NETO1: variants seen among roughly 807,000 people sequenced by gnomAD.
NETO1 encodes neuropilin and tolloid like 1, also known as neuropilin and tolloid-like protein 1.
NETO1 carries 26 observed loss-of-function variants against 61.3 expected under a neutral mutation model. The observed-to-expected ratio is 0.42, with a 90% confidence interval of 0.31 to 0.59. The LOEUF (loss-of-function observed/expected upper bound fraction) is 0.59, where lower values mean the gene tolerates loss of function less well. Ranked by LOEUF, NETO1 falls within the 20% of genes least tolerant of loss-of-function variation. NETO1 has a pLI of 0.12. For missense variants in NETO1, 531 were observed against 662.8 expected (o/e 0.80, Z 2.18); for synonymous variants, 225 against 225.8 (o/e 1.00, Z 0.03).
At chr18:72,839,914 G>A (rs2073873598) in intron 4 of NETO1, among the ~76,000 whole-genome samples, 1 of 152,176 alleles carries the variant, frequency 6.6e-6, no homozygotes, top group South Asian at 2.1e-4. Flanking sequence ...TGCTTCCAGT[G>A]CCTAATATAC....
At chr18:72,779,093 A>C (rs1283630500) in intron 7 of NETO1, among the ~76,000 whole-genome samples, 2 of 152,214 alleles carry the variant, frequency 1.3e-5, no homozygotes, top group East Asian at 3.8e-4. Flanking sequence ...TGTAGGCACC[A>C]GGAAAAATAT....
intron 4 of NETO1, among the ~76,000 whole-genome samples, chr18:72,858,600 A>C (rs2074474502): frequency 6.6e-6 from 1 of 152,180 alleles, no homozygotes; most frequent in South Asian, 2.1e-4. Context: ...ATGCCCATTT[A>C]GAGCCTTGAG....
At chr18:72,829,644 C>T (rs1297708529) in intron 4 of NETO1, among the ~76,000 whole-genome samples, 1 of 152,102 alleles carries the variant, frequency 6.6e-6, no homozygotes, top group African/African-American at 2.4e-5. Flanking sequence ...TTTTAGAATA[C>T]AAGCTAATTA....
chr18:72,786,383 C>G (rs1465242253), intron 6 of NETO1, among the ~76,000 whole-genome samples: 3 of 152,120 alleles, frequency 2.0e-5, no homozygotes, highest in Non-Finnish European at 2.9e-5. Context: ...AGAACAAAAT[C>G]AGAGAAATGT....
At chr18:72,844,300 T>C (rs1403172594) in intron 4 of NETO1, among the ~76,000 whole-genome samples, 1 of 152,240 alleles carries the variant, frequency 6.6e-6, no homozygotes. Flanking sequence ...CACTTTCTTA[T>C]TGCATCATTT....
chr18:72,861,969 T>A (rs995308218), intron 3 of NETO1, among the ~76,000 whole-genome samples: 3 of 152,200 alleles, frequency 2.0e-5, no homozygotes, highest in Non-Finnish European at 4.4e-5. Context: ...CTTTGACTAC[T>A]CCCTGCTTCT....
intron 4 of NETO1, among the ~76,000 whole-genome samples, chr18:72,807,610 A>T (rs977792727): frequency 6.6e-6 from 1 of 152,140 alleles, no homozygotes; most frequent in Non-Finnish European, 1.5e-5. Context: ...TCTACAGAGA[A>T]AATATGCATT....
chr18:72,862,972 C>T (rs970639162), intron 3 of NETO1, among the ~76,000 whole-genome samples: 20 of 152,180 alleles, frequency 1.3e-4, no homozygotes, highest in Admixed American at 3.3e-4. Context: ...TCACTGATGC[C>T]GCTTCTTTAG....
intron 7 of NETO1, among the ~76,000 whole-genome samples, chr18:72,775,642 CTG>C (rs1568190149): frequency 6.6e-6 from 1 of 152,274 alleles, no homozygotes; most frequent in African/African-American, 2.4e-5. Context: ...ATGAGAATAA[CTG>C]TTATCTATTT....
intron 7 of NETO1, among the ~76,000 whole-genome samples, chr18:72,765,279 A>G (rs751066034): frequency 6.6e-6 from 1 of 152,138 alleles, no homozygotes; most frequent in Non-Finnish European, 1.5e-5. Flanking sequence ...CCCACAATAC[A>G]TACTAGGGCT....
intron 4 of NETO1, among the ~76,000 whole-genome samples, chr18:72,816,641 A>C (rs1010632362): frequency 6.6e-6 from 1 of 152,172 alleles, no homozygotes; most frequent in African/African-American, 2.4e-5. Flanking sequence ...CCAGCGTCAA[A>C]GGAAAAGGCA....
intron 4 of NETO1, among the ~76,000 whole-genome samples, chr18:72,815,367 T>G (rs2145242747): frequency 6.6e-6 from 1 of 152,174 alleles, no homozygotes; most frequent in South Asian, 2.1e-4. Context: ...AATAAAAAGG[T>G]AAGCCACACA....
At chr18:72,755,451 C>T (rs2070751637) in intron 8 of NETO1, among the ~76,000 whole-genome samples, 1 of 152,084 alleles carries the variant, frequency 6.6e-6, no homozygotes, top group Admixed American at 6.6e-5. Context: ...TTAACTAAAA[C>T]ATGCAACATC....
intron 7 of NETO1, among the ~76,000 whole-genome samples, chr18:72,769,289 G>C (rs2071266594): frequency 6.6e-6 from 1 of 152,192 alleles, no homozygotes; most frequent in Non-Finnish European, 1.5e-5. Context: ...CTGTCATGCA[G>C]TAAGTCAGTC....
At chr18:72,750,920 T>C (rs1599081868) in intron 8 of NETO1, among the ~76,000 whole-genome samples, 1 of 91,936 alleles carries the variant, frequency 1.1e-5, no homozygotes, top group East Asian at 2.8e-4. Flanking sequence ...CACAATCCTC[T>C]ATCTATCTAA....
chr18:72,803,307 A>G (rs191723721), intron 4 of NETO1, among the ~76,000 whole-genome samples: 119 of 152,332 alleles, frequency 7.8e-4, no homozygotes, highest in Admixed American at 2.0e-3. Flanking sequence ...TAGTAATCCA[A>G]TAACTGCCAA....
At position 72,818,515 on chromosome 18, in the gene NETO1, G is replaced by A. The variant is rs556889421; in HGVS notation, c.470-24111C>T. ...GAAGCCTGTCATATGCTTCTTCCTC[G>A]AAATTTTCATATGTGATTTCATTTT... On this transcript the variant is annotated intron_variant, in intron 4 of 10. Coordinates refer to ENST00000327305, the MANE Select transcript of NETO1 (RefSeq NM_138966.5). Among the ~76,000 whole-genome samples, 471 of 152,196 alleles carry A rather than the reference G, an allele frequency of 3.1e-3. 3 individuals carry two copies. The highest frequency in any genetic ancestry group is 5.8e-3 in the Non-Finnish European group (395 of 67,994).
chr18:72,810,262 T>C (rs10514056), intron 4 of NETO1, among the ~76,000 whole-genome samples: 99,015 of 152,152 alleles, frequency 0.65, 38,286 homozygotes, highest in Non-Finnish European at 0.86. Flanking sequence ...GTAATTTAGG[T>C]TTGAACGGGC....
At chr18:72,832,255 T>C (rs887423555) in intron 4 of NETO1, among the ~76,000 whole-genome samples, 1 of 152,130 alleles carries the variant, frequency 6.6e-6, no homozygotes, top group Non-Finnish European at 1.5e-5. Flanking sequence ...CACCCTAAAA[T>C]TTATTTAAAA....
Sources: gnomAD v4.1 joint callset for allele counts (sites outside exome capture counted in the v4.1 genomes callset) on GRCh38, gnomAD v4.1.1 for gene constraint, MANE v1.5 for transcripts, NCBI Gene and HGNC (gene_info 2026-07-23, HGNC 2026-07-21) for gene names.